GRIK2: variants seen among roughly 807,000 people sequenced by gnomAD.
GRIK2 encodes glutamate ionotropic receptor kainate type subunit 2, also known as glutamate receptor ionotropic, kainate 2.
GRIK2 carries 32 observed loss-of-function variants against 100.3 expected under a neutral mutation model. That is an observed-to-expected ratio of 0.32 (90% confidence interval 0.24 to 0.43). The LOEUF is 0.43. GRIK2 is among the 20% of genes least tolerant of loss of function. The pLI, the probability that GRIK2 is intolerant of heterozygous loss-of-function variation, is 1.00. For synonymous variants in GRIK2, 417 were observed against 389.4 expected (o/e 1.07, Z -0.83); for missense variants, 843 against 1,114.9 (o/e 0.76, Z 3.47).
intron 2 of GRIK2, among the ~76,000 whole-genome samples, chr6:101,426,002 G>T (rs939640568): frequency 6.6e-6 from 1 of 152,144 alleles, no homozygotes; most frequent in Non-Finnish European, 1.5e-5. Context: ...TTTCAGACTT[G>T]AAAGCTTGGA....
intron 9 of GRIK2, among the ~76,000 whole-genome samples, chr6:101,804,214 T>C (rs1019474860): frequency 6.6e-6 from 1 of 151,890 alleles, no homozygotes; most frequent in African/African-American, 2.4e-5. Context: ...AAATCAGTCA[T>C]TTTAGAAGGA....
intron 14 of GRIK2, among the ~76,000 whole-genome samples, chr6:101,963,509 C>CTTTTTTTTTTTTTTTTTTTTTTTTTTCTT (rs770178884): frequency 9.4e-6 from 1 of 106,108 alleles, no homozygotes; most frequent in African/African-American, 3.8e-5. Flanking sequence ...TTCTTTCTTT[C>CTTTTTTTTTTTTTTTTTTTTTTTTTTCTT]TTTTTTTTTT....
chr6:101,957,594 G>A (rs1792020145), intron 14 of GRIK2, among the ~76,000 whole-genome samples: 2 of 151,540 alleles, frequency 1.3e-5, no homozygotes, highest in South Asian at 2.1e-4. Flanking sequence ...ATAATTTTTT[G>A]TTGTTTGTTT....
intron 7 of GRIK2, among the ~76,000 whole-genome samples, chr6:101,796,973 T>G (rs539349490): frequency 1.3e-5 from 2 of 152,226 alleles, no homozygotes; most frequent in East Asian, 3.9e-4. Context: ...CCAGAAAAGA[T>G]TTTTTGATTT....
At chr6:101,799,230 A>G (rs1418444188) in intron 7 of GRIK2, among the ~76,000 whole-genome samples, 2 of 152,008 alleles carry the variant, frequency 1.3e-5, no homozygotes, top group Non-Finnish European at 2.9e-5. Context: ...ACTTTTATAT[A>G]GAATATGTAA....
At chr6:101,681,269 GT>G (rs2128341915) in intron 5 of GRIK2, among the ~76,000 whole-genome samples, 1 of 152,150 alleles carries the variant, frequency 6.6e-6, no homozygotes, top group African/African-American at 2.4e-5. Flanking sequence ...TTTTTTGTTT[GT>G]TTGTTTTGTA....
intron 9 of GRIK2, among the ~76,000 whole-genome samples, chr6:101,815,991 A>G (rs901179514): frequency 6.6e-6 from 1 of 152,216 alleles, no homozygotes; most frequent in African/African-American, 2.4e-5. Flanking sequence ...GCAACTAACC[A>G]ATAATGAAAC....
intron 1 of GRIK2, among the ~76,000 whole-genome samples, chr6:101,397,888 A>G (rs1248924811): frequency 1.3e-5 from 2 of 152,090 alleles, no homozygotes; most frequent in Non-Finnish European, 2.9e-5. Context: ...TATATTTATT[A>G]TACAAGTTAG....
intron 10 of GRIK2, among the ~76,000 whole-genome samples, chr6:101,841,119 A>G (rs1783472155): frequency 6.6e-6 from 1 of 152,180 alleles, no homozygotes; most frequent in Non-Finnish European, 1.5e-5. Context: ...GAGAAACAAA[A>G]CAGTACCTTC....
intron 2 of GRIK2, among the ~76,000 whole-genome samples, chr6:101,478,192 T>C (rs1457037450): frequency 1.3e-5 from 2 of 152,172 alleles, no homozygotes; most frequent in Admixed American, 6.5e-5. Flanking sequence ...AATTTTAGCA[T>C]GATTAGGTTT....
At chr6:101,700,369 A>G (rs1772803392) in intron 7 of GRIK2, among the ~76,000 whole-genome samples, 1 of 152,062 alleles carries the variant, frequency 6.6e-6, no homozygotes, top group Non-Finnish European at 1.5e-5. Flanking sequence ...ACTGAATCTC[A>G]AGTATAAATA....
At chr6:101,800,424 T>C (rs1053171764) in intron 8 of GRIK2, among the ~76,000 whole-genome samples, 34 of 151,990 alleles carry the variant, frequency 2.2e-4, no homozygotes, top group African/African-American at 7.5e-4. Context: ...ACGTATATAT[T>C]TTTCCTGTCA....
chr6:101,399,823 G>T (rs1775189253), intron 2 of GRIK2, among the ~76,000 whole-genome samples: 2 of 152,226 alleles, frequency 1.3e-5, no homozygotes, highest in Admixed American at 1.3e-4. Flanking sequence ...GGCGAGTTGC[G>T]CCTGTCCGCT....
At chr6:101,889,007 T>G (rs1258365972) in intron 11 of GRIK2, among the ~76,000 whole-genome samples, 1 of 152,120 alleles carries the variant, frequency 6.6e-6, no homozygotes, top group Non-Finnish European at 1.5e-5. Flanking sequence ...AAAAACTCAT[T>G]TCCTAATGCG....
intron 16 of GRIK2, among the ~76,000 whole-genome samples, chr6:102,062,833 T>C (rs1771822567): frequency 6.6e-6 from 1 of 150,678 alleles, no homozygotes. Context: ...ACATTTATTT[T>C]TGTTATTTAA....
chr6:101,819,718 T>C (rs2764229), intron 10 of GRIK2, among the ~76,000 whole-genome samples: 41,284 of 152,036 alleles, frequency 0.27, 7,552 homozygotes, highest in East Asian at 0.67. Flanking sequence ...ATCTCATTAC[T>C]TCCTGTTGGG....
chr6:101,724,883 C>A (rs942977435), intron 7 of GRIK2, among the ~76,000 whole-genome samples: 2 of 151,968 alleles, frequency 1.3e-5, no homozygotes, highest in Non-Finnish European at 1.5e-5. Context: ...CATCTTCTCT[C>A]CACTCTGTTT....
chr6:101,826,703 C>T (rs1013804802), intron 10 of GRIK2, among the ~76,000 whole-genome samples: 1 of 151,744 alleles, frequency 6.6e-6, no homozygotes, highest in African/African-American at 2.4e-5. Context: ...ATTAAACTAC[C>T]CAAAATTTTA....
At chr6:101,794,131 G>C (rs1184053191) in intron 7 of GRIK2, among the ~76,000 whole-genome samples, 1 of 152,112 alleles carries the variant, frequency 6.6e-6, no homozygotes, top group Non-Finnish European at 1.5e-5. Context: ...TCCTTGACCA[G>C]GAAAGGGAAC....
Sources: gnomAD v4.1 joint callset for allele counts (sites outside exome capture counted in the v4.1 genomes callset) on GRCh38, gnomAD v4.1.1 for gene constraint, MANE v1.5 for transcripts, NCBI Gene and HGNC (gene_info 2026-07-23, HGNC 2026-07-21) for gene names.